The following ZNF423 variants were observed in gnomAD, a reference collection of about 807,000 sequenced individuals.
ZNF423 encodes Ebf-associated zinc finger protein.
Under a neutral mutation model 95.8 loss-of-function variants are expected in ZNF423, and 12 were observed. The ratio of observed to expected loss-of-function variants is 0.13; its 90% CI spans 0.08 to 0.20. The LOEUF is 0.20. Ranked by LOEUF, ZNF423 falls within the 10% of genes least tolerant of loss-of-function variation. The pLI, the probability that ZNF423 is intolerant of heterozygous loss-of-function variation, is 1.00. For missense variants in ZNF423, 1,316 were observed against 1,737.1 expected (o/e 0.76, Z 4.31); for synonymous variants, 749 against 711.9 (o/e 1.05, Z -0.83).
intron 5 of ZNF423, among the ~76,000 whole-genome samples, chr16:49,528,144 T>C (rs186340593): frequency 7.6e-4 from 115 of 152,174 alleles, no homozygotes; most frequent in African/African-American, 2.7e-3. Context: ...GCGGGGGCCT[T>C]TAACCACTTG....
In ZNF423 at chr16:49,579,583, G is replaced by A. The variant is rs1597130982; in HGVS notation, c.3601+46587C>T. Among the ~76,000 whole-genome samples the A allele has an allele frequency of 2.6e-5, 4 of 152,230 alleles. No individual in the cohort carries two copies. In the South Asian group the frequency reaches 8.3e-4, roughly 32 times the overall value. On this transcript the variant is annotated intron_variant, in intron 5 of 7. Transcript: ENST00000563137. ...GGGCTTGTGGGGAGACAGAAGGGAG[G>A]GTCCAGGCAAGCTGAGCGTGCTGGC...
intron 1 of ZNF423, among the ~76,000 whole-genome samples, chr16:49,852,748 G>A (rs997634597): frequency 2.0e-5 from 3 of 151,990 alleles, no homozygotes; most frequent in Non-Finnish European, 4.4e-5. Flanking sequence ...GAAAACCAAT[G>A]AGGCTATTCT....
In ZNF423 at chr16:49,644,550, C is replaced by A. The variant is rs866393339; in HGVS notation, c.302-5676G>T. 1.1e-4 allele frequency among the ~76,000 whole-genome samples: 16 copies of A among 150,712 alleles called. No individual in the cohort carries two copies. In the South Asian group the frequency reaches 1.5e-3, roughly 14 times the overall value. On this transcript the variant is annotated intron_variant, in intron 3 of 7. Coordinates refer to ENST00000563137, the MANE Select transcript of ZNF423 (RefSeq NM_001379286.1). ...TGGTGATGTGTATTTGCAACCCCAG[C>A]CACTTGGGAGGCCGAGGCAGGAGGA... is the stretch of plus-strand genomic sequence containing the variant.
At chr16:49,656,787 T>C (rs1340996906) in intron 3 of ZNF423, among the ~76,000 whole-genome samples, 3 of 152,212 alleles carry the variant, frequency 2.0e-5, no homozygotes, top group Non-Finnish European at 4.4e-5. Flanking sequence ...CATTTTATTT[T>C]TTGTCTCCAA....
At chr16:49,532,254 T>G (rs1968873739) in intron 5 of ZNF423, among the ~76,000 whole-genome samples, 1 of 151,978 alleles carries the variant, frequency 6.6e-6, no homozygotes, top group South Asian at 2.1e-4. Flanking sequence ...TGGCTAACAC[T>G]CCCCCAAACC....
At chr16:49,560,577 A>G (rs776266660) in intron 5 of ZNF423, among the ~76,000 whole-genome samples, 5 of 152,166 alleles carry the variant, frequency 3.3e-5, no homozygotes, top group African/African-American at 4.8e-5. Context: ...GCTTCGTGCT[A>G]TCGTGTGTGG....
At chr16:49,854,897 C>T (rs2035342202) in intron 1 of ZNF423, 3 of 985,170 alleles carry the variant, frequency 3.0e-6, no homozygotes, top group Non-Finnish European at 2.4e-6. Flanking sequence ...CACAGAAAGC[C>T]GGCCTGGGTG....
chr16:49,606,639 G>A (rs1479889462), intron 5 of ZNF423, among the ~76,000 whole-genome samples: 1 of 152,180 alleles, frequency 6.6e-6, no homozygotes, highest in Non-Finnish European at 1.5e-5. Flanking sequence ...TGGTTAGGAA[G>A]CACATGAATG....
At chr16:49,520,786 G>A (rs1301165169) in intron 7 of ZNF423, among the ~76,000 whole-genome samples, 3 of 152,142 alleles carry the variant, frequency 2.0e-5, no homozygotes, top group African/African-American at 7.2e-5. Flanking sequence ...TAGGGACAAT[G>A]AACACTCCAA....
intron 1 of ZNF423, among the ~76,000 whole-genome samples, chr16:49,819,505 T>C (rs1234798063): frequency 8.6e-5 from 13 of 151,988 alleles, no homozygotes; most frequent in Admixed American, 8.5e-4. Flanking sequence ...TGGAGTGCAG[T>C]GATGTGATCT....
intron 3 of ZNF423, among the ~76,000 whole-genome samples, chr16:49,722,362 T>G (rs951229624): frequency 6.6e-6 from 1 of 152,134 alleles, no homozygotes; most frequent in African/African-American, 2.4e-5. Context: ...TCAAAGCCCC[T>G]CTTAAGGACA....
At chr16:49,856,988 C>T (rs1239114360), upstream of ZNF423, among the ~76,000 whole-genome samples, 5 of 147,524 alleles carry the variant, frequency 3.4e-5, no homozygotes, top group East Asian at 1.0e-3. Flanking sequence ...CCGGCTCCTC[C>T]GCGCTCCAGC....
At chr16:49,851,259 G>T (rs2035298668) in intron 1 of ZNF423, among the ~76,000 whole-genome samples, 1 of 152,162 alleles carries the variant, frequency 6.6e-6, no homozygotes, top group Non-Finnish European at 1.5e-5. Context: ...CCTTGAAAAA[G>T]CATATACTCC....
intron 5 of ZNF423, among the ~76,000 whole-genome samples, chr16:49,574,955 C>T (rs1030905315): frequency 1.3e-5 from 2 of 152,158 alleles, no homozygotes; most frequent in South Asian, 2.1e-4. Flanking sequence ...ACTTGCTAAT[C>T]GGAGGCATTT....
At chr16:49,725,851 T>C (rs1471047906) in intron 3 of ZNF423, among the ~76,000 whole-genome samples, 1 of 152,096 alleles carries the variant, frequency 6.6e-6, no homozygotes, top group African/African-American at 2.4e-5. Context: ...CCCATCTGCT[T>C]CAGAGCCACC....
chr16:49,636,649 C>G lies in ZNF423; in HGVS notation c.2527G>C (p.Ala843Pro). 2 of 1,614,122 alleles carry G rather than the reference C, an allele frequency of 1.2e-6. No individual in the cohort carries two copies. The highest frequency in any genetic ancestry group is 1.7e-6 in the Non-Finnish European group (2 of 1,180,016). Residue 843 changes from alanine (A) to proline (P), a missense_variant, in exon 4 of 8, where the codon GCT becomes CCT. Ala to Pro is a conservative substitution (Grantham distance 27, BLOSUM62 -1). Coordinates refer to ENST00000563137, the MANE Select transcript of ZNF423 (RefSeq NM_001379286.1). This position sits in a 1 kb window ranked among gnomAD's most constrained non-coding sequence, Gnocchi z 8.6. ...HLREKHCVFD[A>P]ATENGTANGV... The stretch of plus-strand genomic sequence containing the variant: ...TTGGCCGTGCCGTTCTCGGTCGCAG[C>G]ATCAAACACACAGTGCTTCTCCCGC...
chr16:49,843,077 T>C (rs991931177), intron 1 of ZNF423, among the ~76,000 whole-genome samples: 1 of 151,790 alleles, frequency 6.6e-6, no homozygotes, highest in African/African-American at 2.4e-5. Context: ...GAAGGGTAAA[T>C]TGGTACAGAC....
At chr16:49,592,532 C>A (rs1245604328) in intron 5 of ZNF423, among the ~76,000 whole-genome samples, 1 of 152,242 alleles carries the variant, frequency 6.6e-6, no homozygotes, top group Non-Finnish European at 1.5e-5. Flanking sequence ...AATTCTTTTG[C>A]AGAAGTCACT....
chr16:49,770,045 T>C (rs1369035634), intron 2 of ZNF423, among the ~76,000 whole-genome samples: 1 of 152,142 alleles, frequency 6.6e-6, no homozygotes, highest in African/African-American at 2.4e-5. Flanking sequence ...TGCATTTTTA[T>C]TCATTGATTC....
Sources: gnomAD v4.1 joint callset for allele counts (sites outside exome capture counted in the v4.1 genomes callset) on GRCh38, gnomAD v4.1.1 for gene constraint, Gnocchi (gnomAD v3.1) non-coding constraint, MANE v1.5 for transcripts, NCBI Gene and HGNC (gene_info 2026-07-23, HGNC 2026-07-21) for gene names.